Variants in AGBL1 observed in about 807,000 individuals in gnomAD.
AGBL1 encodes the protein AGBL carboxypeptidase 1.
Under a neutral mutation model 118.9 loss-of-function variants are expected in AGBL1, and 130 were observed. That is an observed-to-expected ratio of 1.09 (90% confidence interval 0.95 to 1.26). The LOEUF is 1.26. Among genes scored for constraint, AGBL1 ranks in the 50% most tolerant of loss-of-function variants. The probability of loss-of-function intolerance (pLI) is 0.00; values close to 1 mark genes in which losing one functional copy is unlikely to be tolerated. For missense variants in AGBL1, 1,584 were observed against 1,298.1 expected, an observed-to-expected ratio of 1.22 and a Z score of -3.38; for synonymous variants, 555 against 478.9, an observed-to-expected ratio of 1.16 and a Z score of -2.08.
Position 86,911,408 on chromosome 15 carries a change from C to T in AGBL1, c.*4114C>T, listed in dbSNP as rs2881639. ...CAAGGGTGGAAACTACTGACCCCTTCGTAACACTTCCCTCTGGCAAGAGGC... is the reference window on the plus strand; with the variant it reads ...CAAGGGTGGAAACTACTGACCCCTTTGTAACACTTCCCTCTGGCAAGAGGC... On this transcript the variant is annotated 3_prime_UTR_variant, in exon 23 of 23. Coordinates refer to ENST00000614907, the MANE Select transcript of AGBL1 (RefSeq NM_001386094.1). 0.25 allele frequency: 38,378 copies of T among 152,106 alleles called. 5,759 individuals carry two copies. The highest frequency in any genetic ancestry group is 0.39 in the South Asian group (1,862 of 4,822). 9.4% of individuals were successfully genotyped at this position (152,106 alleles called of 1,614,324 possible).
chr15:86,785,340 G>A (rs568099853), intron 22 of AGBL1, among the ~76,000 whole-genome samples: 134 of 151,336 alleles, frequency 8.9e-4, no homozygotes, highest in African/African-American at 3.1e-3. Flanking sequence ...TCTGGGAAGA[G>A]GCACAGAGAT....
chr15:86,991,225 T>C (rs570764635), intron 24 of AGBL1, among the ~76,000 whole-genome samples: 8 of 152,290 alleles, frequency 5.3e-5, no homozygotes, highest in African/African-American at 1.9e-4. Flanking sequence ...TTTCTTTTTA[T>C]TTTTTGTTCA....
chr15:86,873,821 C>G (rs1336991921), intron 22 of AGBL1, among the ~76,000 whole-genome samples: 7 of 152,096 alleles, frequency 4.6e-5, no homozygotes, highest in Non-Finnish European at 2.9e-5. Flanking sequence ...ATTACTACCT[C>G]TTTTGGTGGT....
chr15:86,341,336 T>C (rs1278249223), intron 17 of AGBL1, among the ~76,000 whole-genome samples: 1 of 152,032 alleles, frequency 6.6e-6, no homozygotes, highest in Non-Finnish European at 1.5e-5. Flanking sequence ...TTGGCATTTC[T>C]GGGTTGCTGA....
chr15:86,166,183 T>C, intron 5 of AGBL1, among the ~76,000 whole-genome samples: 1 of 152,310 alleles, frequency 6.6e-6, no homozygotes, highest in East Asian at 1.9e-4. Context: ...TTCTGCATAT[T>C]ACAAAACAAA....
Position 86,803,544 on chromosome 15 carries a change from G to A in AGBL1, c.3159-103543G>A, listed in dbSNP as rs192498515. 2.0e-5 allele frequency among the ~76,000 whole-genome samples: 3 copies of A among 152,126 alleles called. No homozygotes were observed. The East Asian group carries it at 5.8e-4, about 29-fold the overall frequency. ...TTTATCCTGCCTCGTTTCAGAAACG[G>A]TAAGAGTCAACTCTGGCATCTCATG... is the stretch of plus-strand genomic sequence containing the variant. On this transcript the variant is annotated intron_variant, in intron 22 of 22. Transcript: ENST00000614907.
At chr15:86,704,993 G>A (rs2086422574) in intron 22 of AGBL1, among the ~76,000 whole-genome samples, 1 of 152,166 alleles carries the variant, frequency 6.6e-6, no homozygotes, top group African/African-American at 2.4e-5. Flanking sequence ...GGACGTGGAT[G>A]AAGCTGGAAA....
chr15:86,570,010 C>T (rs969765341), intron 21 of AGBL1, among the ~76,000 whole-genome samples: 1 of 152,176 alleles, frequency 6.6e-6, no homozygotes, highest in Admixed American at 6.5e-5. Context: ...AAGGAACAGA[C>T]AAACAAAATC....
At chr15:86,765,713 T>G (rs1250288243) in intron 22 of AGBL1, among the ~76,000 whole-genome samples, 2 of 151,994 alleles carry the variant, frequency 1.3e-5, no homozygotes, top group African/African-American at 4.8e-5. Flanking sequence ...TTAAAAATTT[T>G]TAAAAACATC....
intron 18 of AGBL1, among the ~76,000 whole-genome samples, chr15:86,488,949 G>A (rs961365183): frequency 7.9e-5 from 12 of 151,844 alleles, no homozygotes; most frequent in African/African-American, 2.9e-4. Context: ...TTGAAGTCTG[G>A]CTTTCAAGAC....
chr15:86,579,224 G>C, intron 21 of AGBL1, among the ~76,000 whole-genome samples: 1 of 152,246 alleles, frequency 6.6e-6, no homozygotes. Flanking sequence ...TGCAAATTTT[G>C]TGTCTAAAAA....
chr15:86,975,593 C>A (rs933687817), intron 23 of AGBL1, among the ~76,000 whole-genome samples: 2 of 152,146 alleles, frequency 1.3e-5, no homozygotes, highest in Non-Finnish European at 2.9e-5. Flanking sequence ...GCTCTCCATG[C>A]TCCAACCTCA....
intron 4 of AGBL1, among the ~76,000 whole-genome samples, chr15:86,157,870 A>G (rs1461110234): frequency 6.6e-6 from 1 of 152,216 alleles, no homozygotes; most frequent in Non-Finnish European, 1.5e-5. Flanking sequence ...ACAGGCATCC[A>G]CAAAAGTGAA....
intron 22 of AGBL1, among the ~76,000 whole-genome samples, chr15:86,777,807 A>T (rs933279031): frequency 6.6e-6 from 1 of 152,146 alleles, no homozygotes. Flanking sequence ...CATTTAACAT[A>T]TATAAAGATA....
At chr15:86,439,458 G>A (rs2082036313) in intron 18 of AGBL1, among the ~76,000 whole-genome samples, 1 of 152,078 alleles carries the variant, frequency 6.6e-6, no homozygotes, top group South Asian at 2.1e-4. Flanking sequence ...TTTTTTCCAA[G>A]TAGACTATAA....
At chr15:86,146,055 C>T (rs2141660827) in intron 3 of AGBL1, among the ~76,000 whole-genome samples, 1 of 152,188 alleles carries the variant, frequency 6.6e-6, no homozygotes, top group Middle Eastern at 3.4e-3. Flanking sequence ...GCTGGAGAGT[C>T]AGACATGGGT....
intron 5 of AGBL1, among the ~76,000 whole-genome samples, chr15:86,189,004 C>G (rs552978893): frequency 6.6e-5 from 10 of 152,140 alleles, no homozygotes; most frequent in Admixed American, 4.6e-4. Flanking sequence ...TAAGTTGTGA[C>G]AATTATATGG....
At chr15:86,992,782 C>A (rs1439523558) in intron 24 of AGBL1, among the ~76,000 whole-genome samples, 1 of 151,832 alleles carries the variant, frequency 6.6e-6, no homozygotes, top group East Asian at 1.9e-4. Context: ...ATCAACAATG[C>A]CTAAACGGCT....
intron 22 of AGBL1, among the ~76,000 whole-genome samples, chr15:86,782,785 G>C (rs2141312087): frequency 6.6e-6 from 1 of 152,314 alleles, no homozygotes; most frequent in Middle Eastern, 3.4e-3. Flanking sequence ...CTGAAACTTT[G>C]CCTTGCAATG....
Sources: gnomAD v4.1 joint callset for allele counts (sites outside exome capture counted in the v4.1 genomes callset) on GRCh38, gnomAD v4.1.1 for gene constraint, MANE v1.5 for transcripts, NCBI Gene and HGNC (gene_info 2026-07-23, HGNC 2026-07-21) for gene names.